The following AK8 variants were observed in gnomAD, a reference collection of about 807,000 sequenced individuals.
The protein encoded by AK8 is adenylate kinase 8.
AK8 carries 44 observed loss-of-function variants against 54.6 expected under a neutral mutation model. The observed-to-expected ratio is 0.81, with a 90% CI of 0.63 to 1.04. The LOEUF is 1.04. Ranked by LOEUF, AK8 falls within the 50% of genes least tolerant of loss-of-function variation. AK8 has a pLI of 0.00. For missense variants in AK8, 555 were observed against 613.6 expected (o/e 0.90, Z 1.01); for synonymous variants, 239 against 245.6 (o/e 0.97, Z 0.25).
chr9:132,826,568 C>T lies in AK8; in HGVS notation c.757+286G>A, dbSNP rs1409446716. Among the ~76,000 whole-genome samples the T allele has an allele frequency of 2.0e-5, 3 of 152,314 alleles. No individual in the cohort carries two copies. Among genetic ancestry groups the T allele is most frequent in the African/African-American group, 7.2e-5 (3 of 41,562 alleles). On this transcript the variant is annotated intron_variant, in intron 8 of 12. Coordinates refer to ENST00000298545, the MANE Select transcript of AK8 (RefSeq NM_152572.3). The surrounding 1 kb of genome is among the most constrained non-coding windows in gnomAD (Gnocchi z 4.5). ...ATGTCCCTCCCACCCCATCCCTTGC[C>T]TCTCCTCCTCCCGACCCCACGACCA...
intron 5 of AK8, among the ~76,000 whole-genome samples, chr9:132,830,753 G>A (rs528348584): frequency 6.6e-6 from 1 of 152,176 alleles, no homozygotes; most frequent in Non-Finnish European, 1.5e-5. Context: ...CATTTTGTGT[G>A]TGGTGTTGCT....
intron 11 of AK8, among the ~76,000 whole-genome samples, chr9:132,741,189 C>A (rs559733565): frequency 6.6e-6 from 1 of 152,240 alleles, no homozygotes; most frequent in African/African-American, 2.4e-5. Flanking sequence ...CAGGAGCACA[C>A]TTTAAAAACT....
rs1840318005 is a variant in AK8 at position 132,799,046 on chromosome 9, G to C, written c.980-6271C>G. 6.6e-6 allele frequency among the ~76,000 whole-genome samples: 1 copy of C among 152,210 alleles called. No homozygotes were observed. Among genetic ancestry groups the C allele is most frequent in the African/African-American group, 2.4e-5 (1 of 41,458 alleles). On this transcript the variant is annotated intron_variant, in intron 10 of 12. Coordinates refer to ENST00000298545, the MANE Select transcript of AK8 (RefSeq NM_152572.3). This position sits in a 1 kb window ranked among gnomAD's most constrained non-coding sequence, Gnocchi z 5.0. Reference sequence around the variant, plus strand: ...CTCCCGGGCTGCAGGTCTGGCTTCAGTCACCCTCGGTCACATCCAGCTCCA... The same window carrying C: ...CTCCCGGGCTGCAGGTCTGGCTTCACTCACCCTCGGTCACATCCAGCTCCA...
chr9:132,776,798 G>C (rs779246637), intron 11 of AK8, among the ~76,000 whole-genome samples: 2 of 152,154 alleles, frequency 1.3e-5, no homozygotes, highest in Non-Finnish European at 2.9e-5. Flanking sequence ...TCTTCCCCCA[G>C]CTTTGAAGTC....
chr9:132,877,576 A>T lies in AK8; in HGVS notation c.84+596T>A, dbSNP rs947413068. Among the ~76,000 whole-genome samples the T allele has an allele frequency of 2.6e-5, 4 of 152,294 alleles. No homozygotes were observed. The East Asian group carries it at 5.8e-4, about 22-fold the overall frequency. ...CCTGGCGGGGACGGGGCCTCGCCCA[A>T]AGTCACACGGTGAGCTGGGGGCCCA... On this transcript the variant is annotated intron_variant, in intron 1 of 12. Transcript: ENST00000298545.
chr9:132,819,680 A>G (rs1331745014), intron 9 of AK8, among the ~76,000 whole-genome samples: 1 of 152,220 alleles, frequency 6.6e-6, no homozygotes, highest in Non-Finnish European at 1.5e-5. Flanking sequence ...ATCCTAATCG[A>G]TATTATAGAA....
In AK8 at chr9:132,728,632, C is replaced by A. The variant is rs774027452; in HGVS notation, c.1122-1098G>T. Among the ~76,000 whole-genome samples, 16 of 152,190 alleles carry A rather than the reference C, an allele frequency of 1.1e-4. 1 individual carries two copies. Among genetic ancestry groups the A allele is most frequent in the Non-Finnish European group, 1.6e-4 (11 of 68,026 alleles). On this transcript the variant is annotated intron_variant, in intron 11 of 12. Transcript: ENST00000298545. ...TAGATACCCTTCCTGGGAGTTCAGGCTCCCTGACTTCCCCTGTCCTCCTTG... is the reference window on the plus strand; with the variant it reads ...TAGATACCCTTCCTGGGAGTTCAGGATCCCTGACTTCCCCTGTCCTCCTTG...
chr9:132,870,822 A>G (rs1260821344), intron 2 of AK8, among the ~76,000 whole-genome samples: 1 of 152,204 alleles, frequency 6.6e-6, no homozygotes, highest in Non-Finnish European at 1.5e-5. Context: ...GGGCACAATG[A>G]TCTGACACAC....
intron 10 of AK8, among the ~76,000 whole-genome samples, chr9:132,794,919 C>G (rs887879091): frequency 6.6e-6 from 1 of 152,136 alleles, no homozygotes. Flanking sequence ...CTGTTGTGAC[C>G]GGCTCACACC....
chr9:132,836,881 T>G lies in AK8; in HGVS notation c.403-8155A>C, dbSNP rs117662059. Among the ~76,000 whole-genome samples, 136 of 152,352 alleles carry G rather than the reference T, an allele frequency of 8.9e-4. No homozygotes were observed. The Middle Eastern group carries it at 0.014, about 15-fold the overall frequency. On this transcript the variant is annotated intron_variant, in intron 5 of 12. Transcript: ENST00000298545. ...TGATGATAATAGTACCTACACTTCA[T>G]AGCGTTTAGGGTTACAGGCAACGAT...
At chr9:132,749,810 G>T (rs1029963693) in intron 11 of AK8, among the ~76,000 whole-genome samples, 2 of 151,846 alleles carry the variant, frequency 1.3e-5, no homozygotes, top group South Asian at 4.1e-4. Context: ...ACTTGAAGGG[G>T]TGAGTGGGAA....
At chr9:132,838,932 T>C (rs542453459) in intron 5 of AK8, among the ~76,000 whole-genome samples, 1 of 152,272 alleles carries the variant, frequency 6.6e-6, no homozygotes, top group South Asian at 2.1e-4. Context: ...GAGCATTCTG[T>C]GTACCTTATT....
At chr9:132,835,067 T>G (rs1307439756) in intron 5 of AK8, among the ~76,000 whole-genome samples, 3 of 152,158 alleles carry the variant, frequency 2.0e-5, no homozygotes, top group Non-Finnish European at 4.4e-5. Context: ...AGACGGGGTT[T>G]CCCCGTGTTA....
chr9:132,854,060 G>A (rs1345061614), intron 5 of AK8, among the ~76,000 whole-genome samples: 1 of 152,042 alleles, frequency 6.6e-6, no homozygotes, highest in East Asian at 1.9e-4. Flanking sequence ...AATTAGCTGG[G>A]TGTGGTGATG....
intron 5 of AK8, among the ~76,000 whole-genome samples, chr9:132,849,780 C>A (rs1842895144): frequency 6.6e-6 from 1 of 152,208 alleles, no homozygotes; most frequent in East Asian, 1.9e-4. Context: ...CAGGGTCTTG[C>A]TCTGTCACTC....
chr9:132,786,760 T>TA (rs1314368804), intron 11 of AK8, among the ~76,000 whole-genome samples: 1 of 151,590 alleles, frequency 6.6e-6, no homozygotes, highest in East Asian at 1.9e-4. Flanking sequence ...CATCTAAGGG[T>TA]AAAAAAAGAC....
chr9:132,762,934 C>T (rs1244415130), intron 11 of AK8, among the ~76,000 whole-genome samples: 1 of 152,186 alleles, frequency 6.6e-6, no homozygotes, highest in Non-Finnish European at 1.5e-5. Context: ...CACTGCCCAT[C>T]CTCCAGCCAG....
chr9:132,780,525 AC>A (rs1421106091), intron 11 of AK8, among the ~76,000 whole-genome samples: 2 of 152,236 alleles, frequency 1.3e-5, no homozygotes, highest in Non-Finnish European at 2.9e-5. Flanking sequence ...GAGACCTGTC[AC>A]TGCCTTTCCA....
At chr9:132,737,052 G>T (rs912949215) in intron 11 of AK8, among the ~76,000 whole-genome samples, 1 of 151,958 alleles carries the variant, frequency 6.6e-6, no homozygotes, top group Non-Finnish European at 1.5e-5. Flanking sequence ...GGAGATGAGC[G>T]GTGGTGATGT....
Sources: gnomAD v4.1 joint callset for allele counts (sites outside exome capture counted in the v4.1 genomes callset) on GRCh38, gnomAD v4.1.1 for gene constraint, Gnocchi (gnomAD v3.1) non-coding constraint, MANE v1.5 for transcripts, NCBI Gene and HGNC (gene_info 2026-07-23, HGNC 2026-07-21) for gene names.